Variants in CEP57L1 observed in about 807,000 individuals in gnomAD.
The protein encoded by CEP57L1 is centrosomal protein CEP57L1.
CEP57L1 carries 37 observed loss-of-function variants against 61.0 expected under a neutral mutation model. The observed-to-expected ratio is 0.61, with a 90% CI of 0.47 to 0.80. The LOEUF (loss-of-function observed/expected upper bound fraction) is 0.80, where lower values mean the gene tolerates loss of function less well. CEP57L1 is among the 30% of genes least tolerant of loss of function. The probability of loss-of-function intolerance (pLI) is 0.00; values close to 1 mark genes in which losing one functional copy is unlikely to be tolerated. For synonymous variants in CEP57L1, 137 were observed against 162.3 expected (o/e 0.84, Z 1.19); for missense variants, 422 against 524.7 (o/e 0.80, Z 1.91).
In CEP57L1 at chr6:109,159,371, A is replaced by T; in HGVS notation, c.925A>T (p.Ile309Phe). ...PSRTTSWCKA[I>F]PPDSEKSISI... is the part of the protein sequence containing the mutation. The stretch of plus-strand genomic sequence containing the variant: ...TAGAACAACTTCCTGGTGTAAAGCT[A>T]TTCCTCCTGACTCAGAAAAGTCCAT... Residue 309 changes from isoleucine (I) to phenylalanine (F), a missense_variant, in exon 9 of 11, where the codon ATT (isoleucine) becomes TTT (phenylalanine). By Grantham distance (21) the Ile-to-Phe change is conservative. Transcript: ENST00000517392. 6.2e-7 allele frequency: 1 copy of T among 1,614,052 alleles called. No homozygotes were observed. Among genetic ancestry groups the T allele is most frequent in the South Asian group, 1.1e-5 (1 of 91,082 alleles).
At chr6:109,152,479 G>A (rs965444488) in intron 4 of CEP57L1, among the ~76,000 whole-genome samples, 5 of 152,070 alleles carry the variant, frequency 3.3e-5, no homozygotes, top group Admixed American at 2.0e-4. Flanking sequence ...CACCACGCCC[G>A]GCCTAGACTT....
At chr6:109,143,596 A>C (rs1478532808) in intron 1 of CEP57L1, among the ~76,000 whole-genome samples, 1 of 151,978 alleles carries the variant, frequency 6.6e-6, no homozygotes, top group Non-Finnish European at 1.5e-5. Context: ...ATTTAAATAA[A>C]CTGTAGTCTA....
chr6:109,145,267 C>T lies in CEP57L1; in HGVS notation c.46C>T (p.Pro16Ser), dbSNP rs1470897340. 1.2e-6 allele frequency: 2 copies of T among 1,603,792 alleles called. No individual in the cohort carries two copies. Among genetic ancestry groups the T allele is most frequent in the Non-Finnish European group, 1.7e-6 (2 of 1,172,184 alleles). Residue 16 changes from proline (P) to serine (S), a missense_variant, in exon 2 of 11, where the codon CCT becomes TCT. By Grantham distance (74) the Pro-to-Ser change is moderately conservative (BLOSUM62 -1). Transcript: ENST00000517392. Reference protein sequence around the residue: ...MHSIVGSYHKPPERVFVPSFT... With the variant: ...MHSIVGSYHKSPERVFVPSFT... ...TAGTATAGTAGGAAGCTATCATAAA[C>T]CTCCAGAAAGAGTATTTGTTCCCTC...
In CEP57L1 at chr6:109,116,122, GTGTTGTGTTATGTTATGTTA is replaced by G. The variant is rs1339215629; in HGVS notation, c.-4+20552_-4+20571del. On this transcript the variant is annotated intron_variant, in intron 1 of 10. Transcript: ENST00000517392. Reference sequence around the variant, plus strand: ...TTTATTTTATTTTATTTTATGTTATGTGTTGTGTTATGTTATGTTATGTTATGTTATGTTATGTTATGTTA... The same window carrying G: ...TTTATTTTATTTTATTTTATGTTATGTGTTATGTTATGTTATGTTATGTTA... Among the ~76,000 whole-genome samples the G allele has an allele frequency of 8.0e-4, 98 of 123,224 alleles. 1 individual carries two copies. The highest frequency in any genetic ancestry group is 2.9e-3 in the African/African-American group (84 of 28,786). 80.8% of individuals were successfully genotyped at this position (123,224 alleles called of 152,430 possible). A position where few individuals can be genotyped will look rare whatever the true frequency, so the allele number is the denominator to read the frequency against.
chr6:109,114,100 A>G (rs1771998961), intron 1 of CEP57L1, among the ~76,000 whole-genome samples: 1 of 151,888 alleles, frequency 6.6e-6, no homozygotes, highest in Admixed American at 6.6e-5. Flanking sequence ...ATTATATGGT[A>G]ATGCTATTTT....
chr6:109,150,839 C>T (rs76689930), intron 4 of CEP57L1, among the ~76,000 whole-genome samples: 2,553 of 151,848 alleles, frequency 0.017, 80 homozygotes, highest in African/African-American at 0.059. Context: ...ATTCTATGCC[C>T]GGGGGAAGTA....
intron 1 of CEP57L1, among the ~76,000 whole-genome samples, chr6:109,122,410 A>G (rs1773078776): frequency 6.6e-6 from 1 of 151,964 alleles, no homozygotes; most frequent in African/African-American, 2.4e-5. Flanking sequence ...CTGGCTTTAC[A>G]TGGGAGGCTC....
intron 9 of CEP57L1, 65 bp downstream of exon 9, chr6:109,159,527 T>C: frequency 6.8e-7 from 1 of 1,466,440 alleles, no homozygotes; most frequent in Non-Finnish European, 9.3e-7. Flanking sequence ...CAGGCTAGTC[T>C]TGAACTCCTG....
chr6:109,113,549 T>C (rs932222215), intron 1 of CEP57L1, among the ~76,000 whole-genome samples: 14 of 152,174 alleles, frequency 9.2e-5, no homozygotes, highest in African/African-American at 3.4e-4. Context: ...AAAAATGCTC[T>C]CAATATATAT....
At chr6:109,123,939 C>T (rs745685282) in intron 1 of CEP57L1, among the ~76,000 whole-genome samples, 2 of 152,014 alleles carry the variant, frequency 1.3e-5, no homozygotes, top group Non-Finnish European at 1.5e-5. Flanking sequence ...GGCATGGTGG[C>T]GTGCACCTGT....
At chr6:109,121,166 G>T (rs1772928272) in intron 1 of CEP57L1, among the ~76,000 whole-genome samples, 1 of 152,030 alleles carries the variant, frequency 6.6e-6, no homozygotes, top group Admixed American at 6.6e-5. Context: ...TGTATAACTG[G>T]TTTATTTGTA....
In CEP57L1 at chr6:109,166,049, G is replaced by A. The variant is rs188863395; in HGVS notation, c.*3079G>A. ...TCCAGTGTTTGAAGCAGCAGGTATT[G>A]TGACTATATTCTGATACTGGAAATG... On this transcript the variant is annotated 3_prime_UTR_variant, in exon 11 of 11. Coordinates refer to ENST00000517392, the MANE Select transcript of CEP57L1 (RefSeq NM_001271852.3). 2.0e-5 allele frequency among the ~76,000 whole-genome samples: 3 copies of A among 152,332 alleles called. No individual in the cohort carries two copies. Among genetic ancestry groups the A allele is most frequent in the Admixed American group, 6.5e-5 (1 of 15,306 alleles).
rs899786630 is a variant in CEP57L1 at position 109,154,021 on chromosome 6, A to T, written c.579+72A>T. ...TAAGCATAATTGGTATTTTATGTGA[A>T]TGTAGAGTAAATCTTAGATTTATAA... On this transcript the variant is annotated intron_variant, in intron 5 of 10. Coordinates refer to ENST00000517392, the MANE Select transcript of CEP57L1 (RefSeq NM_001271852.3). The T allele has an allele frequency of 5.0e-6, 4 of 794,740 alleles. No individual in the cohort carries two copies. The African/African-American group carries it at 7.1e-5, about 14-fold the overall frequency. 49.2% of individuals were successfully genotyped at this position (794,740 alleles called of 1,614,324 possible).
intron 1 of CEP57L1, among the ~76,000 whole-genome samples, chr6:109,143,884 T>A (rs867230231): frequency 6.6e-5 from 10 of 152,110 alleles, no homozygotes; most frequent in South Asian, 4.1e-4. Flanking sequence ...ACAACTTACC[T>A]CTCTCTGAAG....
chr6:109,137,147 A>G (rs1254045329), intron 1 of CEP57L1, among the ~76,000 whole-genome samples: 3 of 152,326 alleles, frequency 2.0e-5, no homozygotes, highest in East Asian at 3.9e-4. Context: ...AATAAAGTCA[A>G]TATGTTTAAA....
chr6:109,141,072 C>T (rs894337052), intron 1 of CEP57L1, among the ~76,000 whole-genome samples: 10 of 151,710 alleles, frequency 6.6e-5, no homozygotes, highest in African/African-American at 9.7e-5. Flanking sequence ...CCTCGTAATC[C>T]GCCCGCCTCG....
Position 109,152,531 on chromosome 6 carries a change from A to T in CEP57L1, c.463-1302A>T, listed in dbSNP as rs1583629822. The stretch of plus-strand genomic sequence containing the variant: ...TTTAGGTTTATAGAAAATTGAGCAG[A>T]TAGTATAGAAAGAGTTCTTGCTCCC... On this transcript the variant is annotated intron_variant, in intron 4 of 10. Coordinates refer to ENST00000517392, the MANE Select transcript of CEP57L1 (RefSeq NM_001271852.3). 3.9e-5 allele frequency among the ~76,000 whole-genome samples: 6 copies of T among 152,304 alleles called. No homozygotes were observed. In the East Asian group the frequency reaches 7.7e-4, roughly 20 times the overall value.
At chr6:109,133,579 G>T (rs1405515968) in intron 1 of CEP57L1, among the ~76,000 whole-genome samples, 1 of 152,036 alleles carries the variant, frequency 6.6e-6, no homozygotes, top group East Asian at 1.9e-4. Flanking sequence ...AGAACTGAAG[G>T]AGATAGAGAC....
At position 109,150,146 on chromosome 6, in the gene CEP57L1, G is replaced by C; in HGVS notation, c.369G>C (p.Gln123His). The change falls in exon 4 of 11, where the codon CAG becomes CAC. Residue 123 changes from glutamine to histidine, a missense_variant. Transcript: ENST00000517392. The part of the protein sequence containing the change: ...KDISIQLSSA[Q>H]SRCTLLEKQL... ...TAAGTATACAGTTAAGCTCAGCCCA[G>C]TCTCGTTGTACTCTTCTAGAGAAGC... 1 of 1,608,880 alleles carries C rather than the reference G, an allele frequency of 6.2e-7. No individual in the cohort carries two copies. The highest frequency in any genetic ancestry group is 8.5e-7 in the Non-Finnish European group (1 of 1,175,664).
Sources: allele counts gnomAD v4.1 joint callset (sites outside exome capture counted in the v4.1 genomes callset), GRCh38; gene constraint gnomAD v4.1.1; transcripts MANE v1.5; gene names NCBI Gene and HGNC (gene_info 2026-07-23, HGNC 2026-07-21).